The following SDK1 variants were observed in gnomAD, a reference collection of about 807,000 sequenced individuals.
SDK1 encodes sidekick cell adhesion molecule 1.
SDK1 carries 157 observed loss-of-function variants against 245.5 expected under a neutral mutation model. The observed-to-expected ratio is 0.64, with a 90% confidence interval of 0.56 to 0.73. SDK1 has a LOEUF of 0.73. Ranked by LOEUF, SDK1 falls within the 30% of genes least tolerant of loss-of-function variation. SDK1 has a pLI of 0.00. For missense variants in SDK1, 3,583 were observed against 3,002.3 expected, an observed-to-expected ratio of 1.19 and a Z score of -4.52; for synonymous variants, 1,647 against 1,278.5, an observed-to-expected ratio of 1.29 and a Z score of -6.15.
At chr7:3,880,408 G>A (rs531772434) in intron 5 of SDK1, among the ~76,000 whole-genome samples, 71 of 152,278 alleles carry the variant, frequency 4.7e-4, no homozygotes, top group Non-Finnish European at 9.0e-4. Context: ...AGCACGGGGC[G>A]GGGGCCTTGG....
intron 1 of SDK1, among the ~76,000 whole-genome samples, chr7:3,529,848 C>T (rs552037510): frequency 3.9e-5 from 6 of 152,090 alleles, no homozygotes; most frequent in Middle Eastern, 3.2e-3. Context: ...AGATGGGCAC[C>T]GCATCCTTGC....
intron 5 of SDK1, among the ~76,000 whole-genome samples, chr7:3,937,239 C>A (rs892191239): frequency 1.3e-5 from 2 of 152,174 alleles, no homozygotes; most frequent in Admixed American, 1.3e-4. Flanking sequence ...ATTTATGAGG[C>A]CCCTATGACA....
intron 2 of SDK1, among the ~76,000 whole-genome samples, chr7:3,637,514 T>C (rs1782497794): frequency 6.6e-6 from 1 of 152,184 alleles, no homozygotes; most frequent in Non-Finnish European, 1.5e-5. Flanking sequence ...AGCTTAGAAG[T>C]TGTGGGCTCC....
At chr7:3,834,785 C>T (rs1049567111) in intron 5 of SDK1, among the ~76,000 whole-genome samples, 5 of 152,134 alleles carry the variant, frequency 3.3e-5, no homozygotes, top group African/African-American at 7.2e-5. Flanking sequence ...GAGTGCATGA[C>T]GAGTAATAAG....
intron 5 of SDK1, among the ~76,000 whole-genome samples, chr7:3,857,094 ATTACTC>A (rs1780566142): frequency 1.3e-5 from 2 of 152,182 alleles, no homozygotes; most frequent in Non-Finnish European, 2.9e-5. Flanking sequence ...ACTGAAAAAA[ATTACTC>A]TTAGTCACCT....
chr7:3,693,330 G>A (rs1784485635), intron 4 of SDK1, among the ~76,000 whole-genome samples: 1 of 151,908 alleles, frequency 6.6e-6, no homozygotes, highest in Non-Finnish European at 1.5e-5. Flanking sequence ...CTCGTTATTT[G>A]GTTTGTATTG....
chr7:4,119,649 A>G (rs1477655633), intron 25 of SDK1, among the ~76,000 whole-genome samples: 2 of 149,130 alleles, frequency 1.3e-5, no homozygotes, highest in African/African-American at 2.4e-5. Context: ...TACACAAAAA[A>G]CTAAAGAAAC....
Position 3,639,475 on chromosome 7 carries a change from G to A in SDK1, c.565+365G>A, listed in dbSNP as rs776387983. On this transcript the variant is annotated intron_variant, in intron 3 of 44. Transcript: ENST00000404826. ...GTTCAACCCAATTAGGTCAAAGTTC[G>A]TCATTGTCAGTTCTTTCCAGTGACG... is the stretch of plus-strand genomic sequence containing the variant. Among the ~76,000 whole-genome samples the A allele has an allele frequency of 5.3e-5, 8 of 152,142 alleles. 1 individual carries two copies. The South Asian group carries it at 8.3e-4, about 16-fold the overall frequency.
chr7:3,430,234 G>A (rs575176928), intron 1 of SDK1, among the ~76,000 whole-genome samples: 1 of 152,126 alleles, frequency 6.6e-6, no homozygotes, highest in African/African-American at 2.4e-5. Flanking sequence ...GGTAATAAAA[G>A]GACTTGATGC....
intron 4 of SDK1, among the ~76,000 whole-genome samples, chr7:3,717,429 C>T (rs535367675): frequency 1.3e-5 from 2 of 152,152 alleles, no homozygotes; most frequent in East Asian, 3.9e-4. Flanking sequence ...TTGGCAGATG[C>T]AACTAAGGGC....
At chr7:4,096,093 T>A (rs1782134671) in intron 22 of SDK1, among the ~76,000 whole-genome samples, 1 of 152,220 alleles carries the variant, frequency 6.6e-6, no homozygotes, top group Non-Finnish European at 1.5e-5. Flanking sequence ...CCTGTGCATG[T>A]CTTCTCTGTG....
chr7:3,789,228 A>T (rs569284317), intron 4 of SDK1, among the ~76,000 whole-genome samples: 2 of 152,076 alleles, frequency 1.3e-5, no homozygotes, highest in African/African-American at 4.8e-5. Flanking sequence ...GCTCACCGCA[A>T]CCTCCACCTC....
intron 40 of SDK1, among the ~76,000 whole-genome samples, chr7:4,232,475 T>G (rs1785858512): frequency 6.6e-6 from 1 of 150,956 alleles, no homozygotes; most frequent in Non-Finnish European, 1.5e-5. Flanking sequence ...GTTTGTTTTT[T>G]GAGATAGAGT....
At chr7:4,222,357 C>G (rs910040135) in intron 40 of SDK1, among the ~76,000 whole-genome samples, 2 of 152,136 alleles carry the variant, frequency 1.3e-5, no homozygotes, top group Non-Finnish European at 2.9e-5. Context: ...TGCAGTGGTG[C>G]AATCTCAGCT....
At chr7:4,084,464 G>T (rs1781294806) in intron 22 of SDK1, among the ~76,000 whole-genome samples, 1 of 152,154 alleles carries the variant, frequency 6.6e-6, no homozygotes, top group African/African-American at 2.4e-5. Flanking sequence ...AGCTGAGATG[G>T]AGCCATGCCT....
At chr7:3,581,343 A>G (rs1780481324) in intron 1 of SDK1, among the ~76,000 whole-genome samples, 1 of 152,240 alleles carries the variant, frequency 6.6e-6, no homozygotes, top group Admixed American at 6.5e-5. Context: ...GGCAAAGGAC[A>G]TGAACAGAAA....
chr7:3,590,778 C>CTTTTT (rs34165148), intron 1 of SDK1, among the ~76,000 whole-genome samples: 2 of 115,232 alleles, frequency 1.7e-5, no homozygotes, highest in East Asian at 2.5e-4. Context: ...GAGTATAGCA[C>CTTTTT]TTTTTTTTTT....
At chr7:3,625,564 A>T (rs1782090353) in intron 2 of SDK1, among the ~76,000 whole-genome samples, 1 of 152,206 alleles carries the variant, frequency 6.6e-6, no homozygotes, top group Non-Finnish European at 1.5e-5. Flanking sequence ...TCAAGTTGGC[A>T]GTCACTCTAA....
chr7:3,712,628 T>G (rs575646704), intron 4 of SDK1, among the ~76,000 whole-genome samples: 1 of 152,326 alleles, frequency 6.6e-6, no homozygotes, highest in East Asian at 1.9e-4. Context: ...ATTGTCATGT[T>G]GTTTTAAAGA....
Sources: gnomAD v4.1 joint callset for allele counts (sites outside exome capture counted in the v4.1 genomes callset) on GRCh38, gnomAD v4.1.1 for gene constraint, MANE v1.5 for transcripts, NCBI Gene and HGNC (gene_info 2026-07-23, HGNC 2026-07-21) for gene names.